GRIP1: variants seen among roughly 807,000 people sequenced by gnomAD.
The protein encoded by GRIP1 is glutamate receptor-interacting protein 1.
A neutral mutation model predicts 129.9 loss-of-function variants in GRIP1; 45 were observed. That is an observed-to-expected ratio of 0.35 (90% confidence interval 0.27 to 0.44). The LOEUF is 0.44. Ranked by LOEUF, GRIP1 falls within the 20% of genes least tolerant of loss-of-function variation. GRIP1 has a pLI of 1.00. For synonymous variants in GRIP1, 530 were observed against 520.8 expected, an observed-to-expected ratio of 1.02 and a Z score of -0.24; for missense variants, 1,196 against 1,396.8, an observed-to-expected ratio of 0.86 and a Z score of 2.29.
chr12:66,589,212 C>CTT (rs1452766168), intron 2 of GRIP1, among the ~76,000 whole-genome samples: 7 of 145,128 alleles, frequency 4.8e-5, no homozygotes, highest in Non-Finnish European at 1.1e-4. Context: ...CTCTCTCTCT[C>CTT]TCTCTCTCTC....
intron 1 of GRIP1, among the ~76,000 whole-genome samples, chr12:66,865,828 CT>C (rs551756813): frequency 1.2e-3 from 182 of 152,220 alleles, no homozygotes; most frequent in Non-Finnish European, 2.2e-3. Flanking sequence ...TAGATTATCT[CT>C]CTTCCACAAT....
At chr12:66,444,880 A>G (rs2058577387) in intron 12 of GRIP1, 151 bp from the exon 13 acceptor site, 5 of 768,230 alleles carry the variant, frequency 6.5e-6, no homozygotes, top group Middle Eastern at 5.8e-4. Context: ...GTCAAATTCA[A>G]CGTCGTGTGT....
intron 2 of GRIP1, among the ~76,000 whole-genome samples, chr12:66,561,721 T>C (rs2062538513): frequency 6.6e-6 from 1 of 152,022 alleles, no homozygotes; most frequent in Non-Finnish European, 1.5e-5. Context: ...CTGAAGTATA[T>C]GGCTTAAAAA....
chr12:66,871,016 T>C (rs2040286476), intron 1 of GRIP1, among the ~76,000 whole-genome samples: 1 of 152,116 alleles, frequency 6.6e-6, no homozygotes, highest in Non-Finnish European at 1.5e-5. Context: ...GACCATAGTA[T>C]ATGATCCTTC....
chr12:66,785,876 G>A (rs537548746), intron 1 of GRIP1, among the ~76,000 whole-genome samples: 1 of 152,028 alleles, frequency 6.6e-6, no homozygotes, highest in Non-Finnish European at 1.5e-5. Flanking sequence ...GAGGCCAGGA[G>A]TTTGAGACCA....
intron 7 of GRIP1, among the ~76,000 whole-genome samples, chr12:66,471,871 A>C (rs1247683828): frequency 1.3e-5 from 2 of 152,350 alleles, no homozygotes; most frequent in South Asian, 2.1e-4. Context: ...GGACGAGATA[A>C]TGTATTGGTC....
intron 2 of GRIP1, among the ~76,000 whole-genome samples, chr12:66,580,763 C>A (rs61926064): frequency 6.6e-6 from 1 of 150,502 alleles, no homozygotes; most frequent in African/African-American, 2.5e-5. Flanking sequence ...TAAAGCAAGT[C>A]CTTAGTGACC....
intron 1 of GRIP1, among the ~76,000 whole-genome samples, chr12:66,929,389 A>T (rs2041349734): frequency 6.6e-6 from 1 of 152,210 alleles, no homozygotes; most frequent in Non-Finnish European, 1.5e-5. Flanking sequence ...TTCACAAGAC[A>T]TATCATGATA....
At chr12:66,970,560 A>G (rs1316774477) in intron 1 of GRIP1, among the ~76,000 whole-genome samples, 1 of 71,862 alleles carries the variant, frequency 1.4e-5, no homozygotes, top group Non-Finnish European at 2.9e-5. Flanking sequence ...TTTTTTTTTC[A>G]TCTCTCCTGT....
At chr12:66,713,565 TGCC>T (rs1324936782) in intron 1 of GRIP1, among the ~76,000 whole-genome samples, 7 of 151,812 alleles carry the variant, frequency 4.6e-5, no homozygotes, top group African/African-American at 1.5e-4. Flanking sequence ...CCATTCTTGG[TGCC>T]GCTGCTCATG....
intron 1 of GRIP1, among the ~76,000 whole-genome samples, chr12:66,620,202 A>T (rs112521143): frequency 0.031 from 4,784 of 152,252 alleles, 265 homozygotes; most frequent in African/African-American, 0.11. Context: ...AAGTAACGGT[A>T]CCCTGGCAGT....
rs550084541 is a variant in GRIP1 at position 66,628,387 on chromosome 12, T to G, written c.56-31460A>C. Among the ~76,000 whole-genome samples the G allele has an allele frequency of 3.8e-5, 5 of 132,530 alleles. No homozygotes were observed. In the East Asian group the frequency reaches 7.9e-4, roughly 21 times the overall value. 86.9% of individuals were successfully genotyped at this position (132,530 alleles called of 152,430 possible). A position where few individuals can be genotyped will look rare whatever the true frequency, so the allele number is the denominator to read the frequency against. On this transcript the variant is annotated intron_variant, in intron 1 of 24. Transcript: ENST00000359742. The stretch of plus-strand genomic sequence containing the variant: ...AACAGGACCCTAACACTGCCCTGCT[T>G]TCAAGGGATTTCCCGTACTAACATG...
At chr12:66,591,075 G>A (rs370493296) in intron 2 of GRIP1, among the ~76,000 whole-genome samples, 1 of 152,244 alleles carries the variant, frequency 6.6e-6, no homozygotes, top group Admixed American at 6.5e-5. Flanking sequence ...ACAAGATATA[G>A]AGGACCTGCC....
At chr12:66,613,469 TAAA>T (rs1279306231) in intron 1 of GRIP1, among the ~76,000 whole-genome samples, 1 of 152,124 alleles carries the variant, frequency 6.6e-6, no homozygotes, top group African/African-American at 2.4e-5. Flanking sequence ...GAATTTTAAT[TAAA>T]TAAAATGAGA....
At chr12:66,820,698 T>A (rs1268232301) in intron 1 of GRIP1, among the ~76,000 whole-genome samples, 2 of 151,602 alleles carry the variant, frequency 1.3e-5, no homozygotes, top group Non-Finnish European at 2.9e-5. Flanking sequence ...TACCAAGCCA[T>A]GAAAAGAAAT....
At chr12:66,991,304 T>C (rs1186542304) in intron 1 of GRIP1, among the ~76,000 whole-genome samples, 1 of 152,134 alleles carries the variant, frequency 6.6e-6, no homozygotes, top group Non-Finnish European at 1.5e-5. Flanking sequence ...TAATGAATTA[T>C]CAGCTTTTAA....
chr12:66,558,970 A>T (rs572766959), intron 2 of GRIP1, among the ~76,000 whole-genome samples: 31 of 152,198 alleles, frequency 2.0e-4, no homozygotes, highest in African/African-American at 6.5e-4. Context: ...CATTGAAAAC[A>T]TCATTCATCA....
intron 1 of GRIP1, among the ~76,000 whole-genome samples, chr12:66,873,740 T>C (rs1052829722): frequency 1.3e-5 from 2 of 152,072 alleles, no homozygotes; most frequent in Non-Finnish European, 2.9e-5. Flanking sequence ...TTGAAAAATC[T>C]TGCATTTGCT....
intron 1 of GRIP1, among the ~76,000 whole-genome samples, chr12:66,695,470 T>A (rs2035124277): frequency 6.6e-6 from 1 of 152,040 alleles, no homozygotes; most frequent in Admixed American, 6.6e-5. Context: ...GGTGGTTGGC[T>A]CCACTCCTCC....
Sources: allele counts gnomAD v4.1 joint callset (sites outside exome capture counted in the v4.1 genomes callset), GRCh38; gene constraint gnomAD v4.1.1; transcripts MANE v1.5; gene names NCBI Gene and HGNC (gene_info 2026-07-23, HGNC 2026-07-21).